The following SCN11A variants were observed in gnomAD, a reference collection of about 807,000 sequenced individuals.
The protein encoded by SCN11A is sodium voltage-gated channel alpha subunit 11, also known as sodium channel protein type 11 subunit alpha.
A neutral mutation model predicts 162.2 loss-of-function variants in SCN11A; 122 were observed. The ratio of observed to expected loss-of-function variants is 0.75; its 90% CI spans 0.65 to 0.87. SCN11A has a LOEUF of 0.87. Among genes scored for constraint, SCN11A ranks in the 40% least tolerant of loss-of-function variants. The pLI is 0.00. For synonymous variants in SCN11A, 758 were observed against 751.5 expected (o/e 1.01, Z -0.14); for missense variants, 2,015 against 2,181.6 (o/e 0.92, Z 1.52).
At chr3:38,994,455 A>T (rs1218323927) in intron 2 of SCN11A, among the ~76,000 whole-genome samples, 15 of 152,286 alleles carry the variant, frequency 9.8e-5, no homozygotes, top group Middle Eastern at 3.4e-3. Flanking sequence ...CCACTTTCCC[A>T]TTTGTTGTTG....
chr3:38,981,482 G>A (rs1002651917), intron 2 of SCN11A, among the ~76,000 whole-genome samples: 2 of 151,994 alleles, frequency 1.3e-5, no homozygotes, highest in Admixed American at 1.3e-4. Flanking sequence ...GTGCCTCCGG[G>A]GCCCATCTTC....
At chr3:39,020,550 C>T (rs925821425) in intron 2 of SCN11A, among the ~76,000 whole-genome samples, 4 of 152,144 alleles carry the variant, frequency 2.6e-5, no homozygotes, top group Non-Finnish European at 5.9e-5. Flanking sequence ...GGATACAAAC[C>T]CCAGCTTTCC....
chr3:38,890,850 A>G (rs2065487532), intron 19 of SCN11A, among the ~76,000 whole-genome samples: 1 of 152,192 alleles, frequency 6.6e-6, no homozygotes, highest in Admixed American at 6.5e-5. Flanking sequence ...ATGGAGGGGG[A>G]TAGGTTGGAG....
At chr3:38,850,794 T>C (rs2064765746) in intron 28 of SCN11A, 43 bp from the exon 29 acceptor site, 2 of 1,440,352 alleles carry the variant, frequency 1.4e-6, no homozygotes, top group East Asian at 4.7e-5. Flanking sequence ...AATGCAAGAA[T>C]AAAATTACAT....
At chr3:38,970,208 G>A (rs974048180) in intron 2 of SCN11A, among the ~76,000 whole-genome samples, 12 of 152,090 alleles carry the variant, frequency 7.9e-5, no homozygotes, top group Non-Finnish European at 1.3e-4. Context: ...CTGGACCCTC[G>A]ATTGGATCTA....
chr3:39,011,591 TTTC>T (rs1287713745), intron 2 of SCN11A, among the ~76,000 whole-genome samples: 1 of 152,242 alleles, frequency 6.6e-6, no homozygotes, highest in Non-Finnish European at 1.5e-5. Flanking sequence ...TTATCTTTAG[TTTC>T]TATAGGGAAC....
chr3:38,951,950 G>C (rs146170334), intron 4 of SCN11A, among the ~76,000 whole-genome samples: 8,642 of 152,080 alleles, frequency 0.057, 274 homozygotes, highest in Middle Eastern at 0.092. Context: ...GTGGCAACCC[G>C]CTGGGGTCCC....
intron 2 of SCN11A, among the ~76,000 whole-genome samples, chr3:39,021,436 A>C (rs143735957): frequency 4.6e-4 from 70 of 152,266 alleles, no homozygotes; most frequent in Non-Finnish European, 7.2e-4. Context: ...CCAAAAAGGG[A>C]TTTCTTTTAT....
intron 3 of SCN11A, among the ~76,000 whole-genome samples, chr3:38,954,762 A>G (rs115493227): frequency 0.016 from 2,423 of 152,198 alleles, 65 homozygotes; most frequent in African/African-American, 0.056. Context: ...GCTAAGGCAG[A>G]TGGATTACCT....
At chr3:39,034,902 A>T (rs2031864813) in intron 1 of SCN11A, among the ~76,000 whole-genome samples, 1 of 152,184 alleles carries the variant, frequency 6.6e-6, no homozygotes, top group Admixed American at 6.5e-5. Context: ...AAAGTAAAAG[A>T]TCTCTATAAT....
Position 38,907,960 on chromosome 3 carries a change from A to T in SCN11A, c.1462T>A (p.Cys488Ser). Residue 488 changes from cysteine (C) to serine (S), a missense_variant, in exon 14 of 30, where the codon TGC becomes AGC. Coordinates refer to ENST00000302328, the MANE Select transcript of SCN11A (RefSeq NM_001349253.2). ...TGGAAAAGACTTACCTTTTTTTGGCAATCTTCATCAGAATCTGACCCAGGA... is the reference window on the plus strand; with the variant it reads ...TGGAAAAGACTTACCTTTTTTTGGCTATCTTCATCAGAATCTGACCCAGGA... The part of the protein sequence containing the change: ...QPPGSDSDED[C>S]QKKPQLLEQT... The T allele has an allele frequency of 6.3e-7, 1 of 1,596,248 alleles. No individual in the cohort carries two copies. Among genetic ancestry groups the T allele is most frequent in the South Asian group, 1.2e-5 (1 of 86,646 alleles).
chr3:38,974,553 G>C (rs1248729833), intron 2 of SCN11A, among the ~76,000 whole-genome samples: 1 of 151,982 alleles, frequency 6.6e-6, no homozygotes, highest in East Asian at 1.9e-4. Context: ...AAATTAGCCA[G>C]GCATGGCAGC....
intron 8 of SCN11A, 74 bp from the exon 9 acceptor site, chr3:38,925,583 A>G (rs1328754336): frequency 4.8e-6 from 5 of 1,044,912 alleles, no homozygotes; most frequent in African/African-American, 1.6e-5. Context: ...CACAAAAGCC[A>G]CAAGTAAGCT....
intron 7 of SCN11A, among the ~76,000 whole-genome samples, chr3:38,934,827 A>G (rs1315131106): frequency 2.0e-5 from 3 of 152,198 alleles, no homozygotes; most frequent in East Asian, 3.9e-4. Context: ...AACGAGACAG[A>G]AAGTTAACAA....
rs1396161441 is a variant in SCN11A, at chr3:38,894,691, T to A, written c.2677A>T (p.Thr893Ser). 6.2e-7 allele frequency: 1 copy of A among 1,614,092 alleles called. No individual in the cohort carries two copies. Among genetic ancestry groups the A allele is most frequent in the East Asian group, 2.2e-5 (1 of 44,874 alleles). Reference protein sequence around the residue: ...LVMEMKRGSETQEELGILTSV... With the variant: ...LVMEMKRGSESQEELGILTSV... ...GTTAGTATACCAAGCTCCTCCTGGG[T>A]CTCTGAGCCCCTTTTCATCTCCATG... Residue 893 changes from threonine to serine, a missense_variant, in exon 19 of 30, where the codon ACC becomes TCC. Coordinates refer to ENST00000302328, the MANE Select transcript of SCN11A (RefSeq NM_001349253.2).
chr3:38,847,072 T>C lies in SCN11A; in HGVS notation c.4998A>G (p.Gln1666=), dbSNP rs1254233606. The C allele has an allele frequency of 1.2e-6, 2 of 1,613,926 alleles. No individual in the cohort carries two copies. Among genetic ancestry groups the C allele is most frequent in the Non-Finnish European group, 1.7e-6 (2 of 1,180,018 alleles). ...CCATGGGCAAGTCCATTACTAGAAA[T>C]TGATATTTATTTGGCTTTGCGACAC... ...PLRVAKPNKY[Q]FLVMDLPMVS... is the part of the protein sequence containing the mutation. The change falls in exon 30 of 30, where the codon CAA becomes CAG. Residue 1666 remains glutamine, a synonymous_variant. Coordinates refer to ENST00000302328, the MANE Select transcript of SCN11A (RefSeq NM_001349253.2).
intron 19 of SCN11A, among the ~76,000 whole-genome samples, chr3:38,891,323 A>C (rs1015681598): frequency 5.3e-5 from 8 of 152,170 alleles, no homozygotes; most frequent in Admixed American, 2.6e-4. Context: ...CAGTGAATTT[A>C]AAGATGAATC....
At chr3:38,849,003 A>G (rs1335876203) in intron 29 of SCN11A, among the ~76,000 whole-genome samples, 1 of 152,224 alleles carries the variant, frequency 6.6e-6, no homozygotes, top group Non-Finnish European at 1.5e-5. Flanking sequence ...GATTAATCCT[A>G]CCGCTGAGTA....
chr3:39,026,623 G>A lies in SCN11A; in HGVS notation c.-280+5757C>T, dbSNP rs1283666080. On this transcript the variant is annotated intron_variant, in intron 2 of 29. Coordinates refer to ENST00000302328, the MANE Select transcript of SCN11A (RefSeq NM_001349253.2). ...GGAAAGAGAGACCTCAGTTTAGAAT[G>A]GGCTCCCTTCTGAATACAAGGACAA... 2.0e-5 allele frequency among the ~76,000 whole-genome samples: 3 copies of A among 152,216 alleles called. No individual in the cohort carries two copies. In the East Asian group the frequency reaches 5.8e-4, roughly 29 times the overall value.
Sources: allele counts gnomAD v4.1 joint callset (sites outside exome capture counted in the v4.1 genomes callset), GRCh38; gene constraint gnomAD v4.1.1; transcripts MANE v1.5; gene names NCBI Gene and HGNC (gene_info 2026-07-23, HGNC 2026-07-21).